Variants in LHCGR observed in about 807,000 individuals in gnomAD.
The protein encoded by LHCGR is lutropin-choriogonadotropic hormone receptor.
Under a neutral mutation model 60.7 loss-of-function variants are expected in LHCGR, and 55 were observed. The observed-to-expected ratio is 0.91, with a 90% confidence interval of 0.73 to 1.13. The LOEUF is 1.13. Ranked by LOEUF, LHCGR falls within the 50% of genes most tolerant of loss-of-function variation. The pLI is 0.00. For synonymous variants in LHCGR, 337 were observed against 316.5 expected (o/e 1.06, Z -0.69); for missense variants, 862 against 836.0 (o/e 1.03, Z -0.38).
At chr2:48,693,129 G>A (rs536708006) in intron 10 of LHCGR, among the ~76,000 whole-genome samples, 1 of 152,244 alleles carries the variant, frequency 6.6e-6, no homozygotes, top group East Asian at 1.9e-4. Context: ...TTACACAGAA[G>A]GTTGCTGATA....
chr2:48,753,260 A>G (rs898257357), intron 1 of LHCGR, among the ~76,000 whole-genome samples: 7 of 152,144 alleles, frequency 4.6e-5, no homozygotes, highest in African/African-American at 1.7e-4. Context: ...TTTGAGAAAT[A>G]TTGCCTTGAA....
At chr2:48,725,618 A>G (rs1668683582) in intron 4 of LHCGR, 58 bp downstream of exon 4, 5 of 1,198,170 alleles carry the variant, frequency 4.2e-6, no homozygotes, top group Middle Eastern at 1.9e-4. Flanking sequence ...CCTTGTTTTG[A>G]TTTTCATCAG....
At chr2:48,712,283 C>A (rs140565587) in intron 7 of LHCGR, among the ~76,000 whole-genome samples, 12 of 152,164 alleles carry the variant, frequency 7.9e-5, no homozygotes, top group African/African-American at 2.9e-4. Flanking sequence ...TCTTCCTATG[C>A]TGTAAGCTCC....
chr2:48,737,132 T>A (rs1669235729), intron 1 of LHCGR, among the ~76,000 whole-genome samples: 1 of 152,218 alleles, frequency 6.6e-6, no homozygotes, highest in Admixed American at 6.5e-5. Flanking sequence ...GAGCTTTTAC[T>A]TTTCCTTCTG....
At chr2:48,716,079 A>T (rs1327900750) in intron 6 of LHCGR, among the ~76,000 whole-genome samples, 4 of 152,122 alleles carry the variant, frequency 2.6e-5, no homozygotes, top group African/African-American at 9.7e-5. Flanking sequence ...GGATTACTGG[A>T]TGCCACTTTC....
intron 8 of LHCGR, among the ~76,000 whole-genome samples, chr2:48,705,990 G>T (rs1334241111): frequency 6.6e-6 from 1 of 152,070 alleles, no homozygotes; most frequent in Non-Finnish European, 1.5e-5. Context: ...TCATAGCATT[G>T]ATGGCCTTTA....
At chr2:48,736,630 T>C (rs1490184596) in intron 1 of LHCGR, among the ~76,000 whole-genome samples, 2 of 152,218 alleles carry the variant, frequency 1.3e-5, no homozygotes, top group African/African-American at 4.8e-5. Context: ...AGTTTAATTT[T>C]TGTTAACTAA....
intron 1 of LHCGR, among the ~76,000 whole-genome samples, chr2:48,737,720 G>A (rs1669262890): frequency 1.3e-5 from 2 of 152,192 alleles, no homozygotes; most frequent in South Asian, 4.1e-4. Flanking sequence ...CATCCAATAT[G>A]TTACGCTTTA....
chr2:48,736,294 C>T (rs539110046), intron 1 of LHCGR, among the ~76,000 whole-genome samples: 1 of 152,276 alleles, frequency 6.6e-6, no homozygotes, highest in East Asian at 1.9e-4. Flanking sequence ...GGCCCAGCCC[C>T]CTTGCCTCCG....
At chr2:48,722,391 A>G (rs1668538666) in intron 6 of LHCGR, among the ~76,000 whole-genome samples, 1 of 152,312 alleles carries the variant, frequency 6.6e-6, no homozygotes, top group Middle Eastern at 3.4e-3. Context: ...ATTTCTAACT[A>G]GAGGATATGG....
chr2:48,755,425 G>C, intron 1 of LHCGR, 86 bp downstream of exon 1: 1 of 850,552 alleles, frequency 1.2e-6, no homozygotes, highest in Non-Finnish European at 1.8e-6. Context: ...AGGGAAAGGG[G>C]GCCAAAGGAG....
intron 7 of LHCGR, among the ~76,000 whole-genome samples, chr2:48,711,843 C>T (rs1668005161): frequency 6.6e-6 from 1 of 152,166 alleles, no homozygotes; most frequent in East Asian, 1.9e-4. Context: ...CCCTTCCAGC[C>T]TTCCGTCCTT....
chr2:48,698,515 TA>T (rs1667234929), intron 9 of LHCGR, 99 bp downstream of exon 9: 2 of 911,980 alleles, frequency 2.2e-6, no homozygotes, highest in South Asian at 1.3e-5. Flanking sequence ...GCCAAGAAGG[TA>T]GGGAGTGAAG....
chr2:48,743,916 A>C (rs1332327608), intron 1 of LHCGR, among the ~76,000 whole-genome samples: 2 of 151,554 alleles, frequency 1.3e-5, no homozygotes, highest in African/African-American at 4.9e-5. Context: ...CCCTGTTTGC[A>C]GACGACGTGA....
At position 48,713,267 on chromosome 2, in the gene LHCGR, G is replaced by T. The variant is rs185163010; in HGVS notation, c.605+719C>A. ...ATTTTCCATAATTTTGGCTTTAATC[G>T]AACTTTTCATGTGCTCTTAGTTTTT... is the stretch of plus-strand genomic sequence containing the variant. On this transcript the variant is annotated intron_variant, in intron 7 of 10. Transcript: ENST00000294954. Among the ~76,000 whole-genome samples the T allele has an allele frequency of 2.0e-5, 3 of 151,978 alleles. No individual in the cohort carries two copies. In the South Asian group the frequency reaches 6.2e-4, roughly 32 times the overall value.
chr2:48,735,717 C>T (rs1669181026), intron 1 of LHCGR, among the ~76,000 whole-genome samples: 1 of 152,200 alleles, frequency 6.6e-6, no homozygotes, highest in South Asian at 2.1e-4. Flanking sequence ...ACCCAAGTCA[C>T]TCTTTAGTAC....
At chr2:48,693,023 C>G (rs554547483) in intron 10 of LHCGR, among the ~76,000 whole-genome samples, 17 of 152,128 alleles carry the variant, frequency 1.1e-4, no homozygotes, top group Non-Finnish European at 2.4e-4. Flanking sequence ...GGTTTAAAGT[C>G]TTCCTTCCCC....
chr2:48,752,546 T>C (rs1670003463), intron 1 of LHCGR, among the ~76,000 whole-genome samples: 1 of 142,924 alleles, frequency 7.0e-6, no homozygotes, highest in South Asian at 2.2e-4. Context: ...TTTTTTTTTA[T>C]GAACTGATAA....
intron 10 of LHCGR, among the ~76,000 whole-genome samples, chr2:48,691,133 A>G (rs1442855727): frequency 6.6e-6 from 1 of 152,224 alleles, no homozygotes; most frequent in African/African-American, 2.4e-5. Context: ...TTTATAATAC[A>G]TTTTTGTATA....
Sources: allele counts gnomAD v4.1 joint callset (sites outside exome capture counted in the v4.1 genomes callset), GRCh38; gene constraint gnomAD v4.1.1; transcripts MANE v1.5; gene names NCBI Gene and HGNC (gene_info 2026-07-23, HGNC 2026-07-21).